OIT3: variants seen among roughly 807,000 people sequenced by gnomAD.
OIT3 encodes the protein oncoprotein induced transcript 3, also known as oncoprotein-induced transcript 3 protein.
OIT3 carries 41 observed loss-of-function variants against 52.2 expected under a neutral mutation model. That is an observed-to-expected ratio of 0.79 (90% CI 0.61 to 1.02). The LOEUF is 1.02. OIT3 is among the 50% of genes least tolerant of loss of function. OIT3 has a pLI of 0.00. For missense variants in OIT3, 634 were observed against 715.5 expected (o/e 0.89, Z 1.30); for synonymous variants, 244 against 276.9 (o/e 0.88, Z 1.18).
chr10:72,924,317 C>T lies in OIT3; in HGVS notation c.1040C>T (p.Thr347Ile). ...PGSSGDFIIRTSKLLIPVTCE... is the reference protein window; with the variant it reads ...PGSSGDFIIRISKLLIPVTCE... The stretch of plus-strand genomic sequence containing the variant: ...AGCAGCGGGGACTTCATCATCCGAA[C>T]CAGCAAGCTGCTGATCCCGGTGACC... The change falls in exon 7 of 9, where the codon ACC becomes ATC. Residue 347 changes from threonine to isoleucine, a missense_variant. Thr to Ile is a moderately conservative substitution (Grantham distance 89). Transcript: ENST00000334011. The T allele has an allele frequency of 1.9e-6, 3 of 1,614,064 alleles. No individual in the cohort carries two copies. The highest frequency in any genetic ancestry group is 3.3e-5 in the Admixed American group (2 of 60,018).
intron 3 of OIT3, among the ~76,000 whole-genome samples, chr10:72,902,535 G>A (rs539988427): frequency 7.0e-4 from 106 of 152,166 alleles, no homozygotes; most frequent in Middle Eastern, 3.4e-3. Context: ...ATGTGTATTA[G>A]TCTGTTCTCA....
In OIT3 at chr10:72,918,864, T is replaced by G. The variant is rs181936390; in HGVS notation, c.952-5365T>G. On this transcript the variant is annotated intron_variant, in intron 6 of 8. Coordinates refer to ENST00000334011, the MANE Select transcript of OIT3 (RefSeq NM_152635.3). ...TTCTTGTACCAATACCATGCTGTTT[T>G]GATTACTGTAGCCCTGTAGCATAAT... is the stretch of plus-strand genomic sequence containing the variant. 9.5e-4 allele frequency among the ~76,000 whole-genome samples: 144 copies of G among 152,326 alleles called. 1 individual carries two copies. Among genetic ancestry groups the G allele is most frequent in the African/African-American group, 3.1e-3 (127 of 41,572 alleles).
At chr10:72,924,677 C>G in intron 7 of OIT3, 33 bp downstream of exon 7, 1 of 1,530,638 alleles carries the variant, frequency 6.5e-7, no homozygotes, top group Non-Finnish European at 8.9e-7. Flanking sequence ...CTCATCACCC[C>G]TAGTTCACAT....
intron 2 of OIT3, among the ~76,000 whole-genome samples, chr10:72,899,517 C>A (rs1845908194): frequency 6.6e-6 from 1 of 151,460 alleles, no homozygotes; most frequent in Non-Finnish European, 1.5e-5. Context: ...ATTGCTTGAA[C>A]CCGGGAGGTG....
At chr10:72,898,579 T>C (rs1845897397) in intron 1 of OIT3, 85 bp from the exon 2 acceptor site, 1 of 1,308,318 alleles carries the variant, frequency 7.6e-7, no homozygotes, top group African/African-American at 1.5e-5. Context: ...AATGTCCAAA[T>C]GCAAGACCAA....
chr10:72,904,548 T>A (rs539972986), intron 3 of OIT3, among the ~76,000 whole-genome samples: 3 of 152,338 alleles, frequency 2.0e-5, no homozygotes, highest in Admixed American at 2.0e-4. Flanking sequence ...ACATTTTGCA[T>A]TTCTACAAGT....
chr10:72,924,615 G>C lies in OIT3; in HGVS notation c.1338G>C (p.Glu446Asp). 6.2e-7 allele frequency: 1 copy of C among 1,612,998 alleles called. No individual in the cohort carries two copies. Among genetic ancestry groups the C allele is most frequent in the Non-Finnish European group, 8.5e-7 (1 of 1,179,322 alleles). The change falls in exon 7 of 9, where the codon GAG (glutamate) becomes GAC (aspartate). Residue 446 changes from glutamate (E) to aspartate (D), a missense_variant. By Grantham distance (45) the Glu-to-Asp change is conservative. Transcript: ENST00000334011. ...CFATPTSKIDEVLKYYLIRDG... is the reference protein window; with the variant it reads ...CFATPTSKIDDVLKYYLIRDG... ...CCACCCCCACCTCCAAGATCGACGA[G>C]GTCCTGAAATACTACCTCATCCGGG...
intron 8 of OIT3, among the ~76,000 whole-genome samples, chr10:72,931,196 C>T (rs1030967281): frequency 5.9e-5 from 9 of 152,006 alleles, no homozygotes; most frequent in Non-Finnish European, 4.4e-5. Flanking sequence ...ATCATAAAAT[C>T]GTCATATTCT....
chr10:72,920,236 C>A (rs778711736), intron 6 of OIT3, among the ~76,000 whole-genome samples: 14 of 152,118 alleles, frequency 9.2e-5, no homozygotes, highest in Non-Finnish European at 1.9e-4. Flanking sequence ...TTATAATATT[C>A]TCTGATGGTT....
At chr10:72,917,720 C>T in intron 6 of OIT3, 1 of 1,052,300 alleles carries the variant, frequency 9.5e-7, no homozygotes, top group Non-Finnish European at 1.5e-6. Context: ...AACTGATGAA[C>T]TTGGCTGCCA....
At chr10:72,920,285 A>G (rs1846110625) in intron 6 of OIT3, among the ~76,000 whole-genome samples, 1 of 152,140 alleles carries the variant, frequency 6.6e-6, no homozygotes, top group African/African-American at 2.4e-5. Flanking sequence ...TATCCCCCTT[A>G]TCATTTCTGA....
chr10:72,902,251 A>G (rs1282971692), intron 3 of OIT3, among the ~76,000 whole-genome samples: 1 of 152,028 alleles, frequency 6.6e-6, no homozygotes, highest in Middle Eastern at 3.2e-3. Flanking sequence ...ACCCTCATGT[A>G]TTTCTGTTCA....
At chr10:72,919,953 T>C (rs936569673) in intron 6 of OIT3, among the ~76,000 whole-genome samples, 2 of 152,232 alleles carry the variant, frequency 1.3e-5, no homozygotes, top group Non-Finnish European at 2.9e-5. Flanking sequence ...AGGATGATGC[T>C]GGCCTCATAG....
In OIT3 at chr10:72,924,286, C is replaced by G; in HGVS notation, c.1009C>G (p.Pro337Ala). Residue 337 changes from proline to alanine, a missense_variant, in exon 7 of 9, where the codon CCG becomes GCG. Physicochemically the swap from Pro to Ala is conservative, Grantham distance 27. Transcript: ENST00000334011. ...NLVTGLPKQTPGSSGDFIIRT... is the reference protein window; with the variant it reads ...NLVTGLPKQTAGSSGDFIIRT... ...CGTGACAGGTCTACCCAAGCAGACC[C>G]CGGGGAGCAGCGGGGACTTCATCAT... 6.2e-7 allele frequency: 1 copy of G among 1,613,740 alleles called. No homozygotes were observed. The highest frequency in any genetic ancestry group is 2.2e-5 in the East Asian group (1 of 44,876).
At chr10:72,895,797 T>A (rs894004672) in intron 1 of OIT3, among the ~76,000 whole-genome samples, 1 of 152,140 alleles carries the variant, frequency 6.6e-6, no homozygotes, top group African/African-American at 2.4e-5. Context: ...TAGCAAACCA[T>A]TGAGGAGCTT....
chr10:72,923,640 C>T (rs1182863300), intron 6 of OIT3, among the ~76,000 whole-genome samples: 1 of 152,176 alleles, frequency 6.6e-6, no homozygotes, highest in Non-Finnish European at 1.5e-5. Flanking sequence ...GGGGTACAGA[C>T]CTGTTGCTGA....
chr10:72,927,059 C>A (rs987763375), intron 7 of OIT3, among the ~76,000 whole-genome samples: 4 of 152,130 alleles, frequency 2.6e-5, no homozygotes, highest in African/African-American at 9.7e-5. Context: ...AAAACGTAAC[C>A]TACAATCTTA....
Position 72,911,708 on chromosome 10 carries a change from C to G in OIT3, c.668-9C>G. The G allele has an allele frequency of 6.2e-7, 1 of 1,611,824 alleles. No individual in the cohort carries two copies. The highest frequency in any genetic ancestry group is 8.5e-7 in the Non-Finnish European group (1 of 1,178,888). On this transcript the variant is annotated splice_polypyrimidine_tract_variant and intron_variant, in intron 4 of 8. Transcript: ENST00000334011. ...AGATTATTCCCTTTTCTGTTGGTTT[C>G]TACTGCAGACGTTGAAGGATGCCAC... is the stretch of plus-strand genomic sequence containing the variant.
chr10:72,908,253 C>G (rs765117176), intron 4 of OIT3, among the ~76,000 whole-genome samples: 59 of 151,754 alleles, frequency 3.9e-4, no homozygotes, highest in Non-Finnish European at 7.2e-4. Context: ...AAAAAAAAAT[C>G]CCATCACTTC....
Sources: allele counts gnomAD v4.1 joint callset (sites outside exome capture counted in the v4.1 genomes callset), GRCh38; gene constraint gnomAD v4.1.1; transcripts MANE v1.5; gene names NCBI Gene and HGNC (gene_info 2026-07-23, HGNC 2026-07-21).